EPRS1: variants seen among roughly 807,000 people sequenced by gnomAD.
EPRS1 encodes bifunctional glutamate/proline--tRNA ligase.
Under a neutral mutation model 188.3 loss-of-function variants are expected in EPRS1, and 107 were observed. The observed-to-expected ratio is 0.57, with a 90% confidence interval of 0.49 to 0.67. The LOEUF is 0.67. Among genes scored for constraint, EPRS1 ranks in the 30% least tolerant of loss-of-function variants. The pLI is 0.00. For synonymous variants in EPRS1, 596 were observed against 593.1 expected (o/e 1.00, Z -0.07); for missense variants, 1,577 against 1,802.2 (o/e 0.88, Z 2.26).
intron 26 of EPRS1, 148 bp downstream of exon 26, chr1:219,979,937 G>A (rs1660860819): frequency 7.0e-6 from 5 of 717,156 alleles, no homozygotes; most frequent in Non-Finnish European, 1.2e-5. Flanking sequence ...ACAGAGGAAT[G>A]GGATAGATTT....
chr1:220,019,845 GAGA>G (rs967995367), intron 10 of EPRS1, 140 bp downstream of exon 10: 7 of 615,282 alleles, frequency 1.1e-5, no homozygotes, highest in South Asian at 1.0e-4. Context: ...TGCACTGGCT[GAGA>G]AGAAGATAAG....
chr1:219,980,659 G>T (rs2102563618), intron 25 of EPRS1, 97 bp downstream of exon 25: 1 of 695,490 alleles, frequency 1.4e-6, no homozygotes, highest in Non-Finnish European at 2.5e-6. Flanking sequence ...ATTTGATTTT[G>T]CTTTTAACAG....
At position 220,042,110 on chromosome 1, in the gene EPRS1, G is replaced by A. The variant is rs1459728644; in HGVS notation, c.47-1841C>T. Reference sequence around the variant, plus strand: ...GCAGGAGGACCACTTGAACCTAGGAGGCGGAGGTTGCAGTGAGCCGAGATC... The same window carrying A: ...GCAGGAGGACCACTTGAACCTAGGAAGCGGAGGTTGCAGTGAGCCGAGATC... On this transcript the variant is annotated intron_variant, in intron 1 of 31. Transcript: ENST00000366923. 2.0e-5 allele frequency among the ~76,000 whole-genome samples: 3 copies of A among 150,628 alleles called. No homozygotes were observed. In the East Asian group the frequency reaches 5.9e-4, roughly 29 times the overall value.
chr1:220,017,393 T>C (rs1435643719), intron 12 of EPRS1, among the ~76,000 whole-genome samples: 1 of 152,202 alleles, frequency 6.6e-6, no homozygotes. Context: ...CATGTTTAAC[T>C]TTATTAAAAC....
At chr1:219,976,475 T>C (rs1009006454) in intron 28 of EPRS1, among the ~76,000 whole-genome samples, 58 of 152,342 alleles carry the variant, frequency 3.8e-4, no homozygotes, top group African/African-American at 1.3e-3. Flanking sequence ...TATTGTATTA[T>C]GTAGGAGAAT....
intron 18 of EPRS1, among the ~76,000 whole-genome samples, chr1:219,989,067 A>G (rs1661069334): frequency 6.6e-6 from 1 of 152,200 alleles, no homozygotes; most frequent in Non-Finnish European, 1.5e-5. Context: ...TTACTTAAGT[A>G]AACAGACAAA....
intron 13 of EPRS1, among the ~76,000 whole-genome samples, chr1:220,009,616 T>G (rs993345879): frequency 6.6e-6 from 1 of 151,050 alleles, no homozygotes; most frequent in Non-Finnish European, 1.5e-5. Flanking sequence ...GAGACCAAGA[T>G]AGAGGATGCA....
At chr1:220,009,591 G>A (rs1661560903) in intron 13 of EPRS1, among the ~76,000 whole-genome samples, 1 of 151,960 alleles carries the variant, frequency 6.6e-6, no homozygotes, top group Non-Finnish European at 1.5e-5. Context: ...GGATGCTGAG[G>A]TGGAAGGATC....
intron 31 of EPRS1, 42 bp downstream of exon 31, chr1:219,969,016 C>A: frequency 6.2e-7 from 1 of 1,609,330 alleles, no homozygotes; most frequent in Non-Finnish European, 8.5e-7. Context: ...TATTCCTTTC[C>A]ATTGCAATTT....
At position 220,018,893 on chromosome 1, in the gene EPRS1, C is replaced by T. The variant is rs1241093349; in HGVS notation, c.1434+102G>A. ...CTGCCCTTGGATCATAAGGCACAAA[C>T]AAGGAATAGAAAGAACAACAGAGAT... On this transcript the variant is annotated intron_variant, in intron 11 of 31. Coordinates refer to ENST00000366923, the MANE Select transcript of EPRS1 (RefSeq NM_004446.3). The T allele has an allele frequency of 5.2e-6, 3 of 573,234 alleles. No individual in the cohort carries two copies. In the East Asian group the frequency reaches 1.1e-4, roughly 21 times the overall value. The allele number at this position is 573,234 out of a possible 1,614,324, so 35.5% of individuals were successfully genotyped here. A position where few individuals can be genotyped will look rare whatever the true frequency, so the allele number is the denominator to read the frequency against.
chr1:219,983,147 G>C (rs369619012), intron 22 of EPRS1, 42 bp downstream of exon 22: 5 of 1,461,252 alleles, frequency 3.4e-6, no homozygotes, highest in Non-Finnish European at 4.7e-6. Flanking sequence ...TTTCCAGTTT[G>C]TCAGAGAACA....
At chr1:219,988,964 C>T (rs1661067823) in intron 18 of EPRS1, 141 bp from the exon 19 acceptor site, 2 of 580,968 alleles carry the variant, frequency 3.4e-6, no homozygotes, top group Admixed American at 3.3e-5. Flanking sequence ...CATCAGCCTA[C>T]AATAAGTGAT....
rs528807106 is a variant in EPRS1, at chr1:220,007,307, T to C, written c.1637A>G (p.Tyr546Cys). ...ACCTTCAATGAAAACTTTGGGACTA[T>C]ACCACACAGGCTTCAAGCCAACCTC... ...NPEVGLKPVW[Y>C]SPKVFIEGAD... is the part of the protein sequence containing the mutation. Residue 546 changes from tyrosine to cysteine, a missense_variant, in exon 14 of 32, where the codon TAT (tyrosine) becomes TGT (cysteine). Transcript: ENST00000366923. The C allele has an allele frequency of 2.5e-5, 41 of 1,613,674 alleles. 1 individual carries two copies. The African/African-American group carries it at 4.5e-4, about 18-fold the overall frequency.
chr1:219,981,317 TA>T (rs10595099), intron 24 of EPRS1, 60 bp downstream of exon 24: 13,996 of 963,026 alleles, frequency 0.015, 4 homozygotes, highest in Middle Eastern at 0.018. Context: ...AAATGTGCTT[TA>T]AAAAAAAAAA....
At chr1:219,977,308 G>A (rs539973047) in intron 28 of EPRS1, among the ~76,000 whole-genome samples, 11 of 152,186 alleles carry the variant, frequency 7.2e-5, no homozygotes, top group East Asian at 1.9e-4. Context: ...TACAGACAAC[G>A]AAGCTGTAGA....
Position 220,006,213 on chromosome 1 carries a change from G to A in EPRS1, c.1843C>T (p.His615Tyr). The change falls in exon 15 of 32, where the codon CAT becomes TAT. Residue 615 changes from histidine to tyrosine, a missense_variant. This residue lies in a region of EPRS1 where 1,278 missense variants were observed against 1,457.4 expected (regional missense o/e 0.88). Coordinates refer to ENST00000366923, the MANE Select transcript of EPRS1 (RefSeq NM_004446.3). Reference sequence around the variant, plus strand: ...CAGATTACTGGAATAGGAAGAGCATGTGTAGTCTCTGCAAGCCAAGTGACC... The same window carrying A: ...CAGATTACTGGAATAGGAAGAGCATATGTAGTCTCTGCAAGCCAAGTGACC... ...TKVTWLAETTHALPIPVICVT... is the reference protein window; with the variant it reads ...TKVTWLAETTYALPIPVICVT... 1 of 1,605,758 alleles carries A rather than the reference G, an allele frequency of 6.2e-7. No homozygotes were observed. The highest frequency in any genetic ancestry group is 8.5e-7 in the Non-Finnish European group (1 of 1,174,614).
intron 22 of EPRS1, 27 bp downstream of exon 22, chr1:219,983,161 CA>C (rs766751155): frequency 1.3e-6 from 2 of 1,551,958 alleles, no homozygotes; most frequent in African/African-American, 2.8e-5. Flanking sequence ...GAGAACATTG[CA>C]AAAAATAAAA....
intron 17 of EPRS1, among the ~76,000 whole-genome samples, chr1:220,000,841 C>A (rs898528043): frequency 6.6e-6 from 1 of 152,040 alleles, no homozygotes; most frequent in East Asian, 1.9e-4. Context: ...ATTAGCCGGG[C>A]GTCATGGTGC....
At chr1:220,013,947 A>T (rs1661652864) in intron 12 of EPRS1, among the ~76,000 whole-genome samples, 1 of 152,128 alleles carries the variant, frequency 6.6e-6, no homozygotes, top group South Asian at 2.1e-4. Flanking sequence ...ATACTCATCA[A>T]CTTTCACTCT....
Sources: allele counts gnomAD v4.1 joint callset (sites outside exome capture counted in the v4.1 genomes callset), GRCh38; gene constraint gnomAD v4.1.1; regional missense constraint gnomAD v4.1.1; transcripts MANE v1.5; gene names NCBI Gene and HGNC (gene_info 2026-07-23, HGNC 2026-07-21).